The following CDH4 variants were observed in gnomAD, a reference collection of about 807,000 sequenced individuals.
CDH4 encodes the protein cadherin 4, also known as cadherin-4.
In CDH4, 33 loss-of-function variants were observed where a neutral mutation model predicts 86.0. The observed-to-expected ratio is 0.38, with a 90% CI of 0.29 to 0.51. The LOEUF (loss-of-function observed/expected upper bound fraction) is 0.51. CDH4 is among the 20% of genes least tolerant of loss of function. CDH4 has a pLI of 0.86. For synonymous variants in CDH4, 555 were observed against 549.4 expected (o/e 1.01, Z -0.14); for missense variants, 1,114 against 1,307.4 (o/e 0.85, Z 2.28).
In CDH4 at chr20:61,936,918, T is replaced by C. The variant is rs754528798; in HGVS notation, c.2726T>C (p.Met909Thr). Residue 909 changes from methionine to threonine, a missense_variant, in exon 16 of 16, where the codon ATG (methionine) becomes ACG (threonine). By Grantham distance (81) the Met-to-Thr change is moderately conservative. This residue lies in a region of CDH4 where 188 missense variants were observed against 183.8 expected (regional missense o/e 1.02). Coordinates refer to ENST00000614565, the MANE Select transcript of CDH4 (RefSeq NM_001794.5). ...CCCAGATTCAAGAAGCTGGCGGACA[T>C]GTATGGAGGTGGTGAAGAGGATTGA... ...WGPRFKKLAD[M>T]YGGGEED 2.5e-6 allele frequency: 4 copies of C among 1,589,804 alleles called. No homozygotes were observed. Among genetic ancestry groups the C allele is most frequent in the South Asian group, 2.3e-5 (2 of 87,806 alleles).
intron 7 of CDH4, among the ~76,000 whole-genome samples, chr20:61,877,183 C>T (rs563749216): frequency 6.6e-6 from 1 of 152,292 alleles, no homozygotes; most frequent in East Asian, 1.9e-4. Context: ...CCCTACAGAT[C>T]ATGGCAGCTC....
At chr20:61,312,819 A>AC (rs1298399897) in intron 2 of CDH4, among the ~76,000 whole-genome samples, 2 of 152,070 alleles carry the variant, frequency 1.3e-5, no homozygotes, top group African/African-American at 2.4e-5. Flanking sequence ...ACGGGACACC[A>AC]AAGTGCCTGC....
At chr20:61,603,696 C>T (rs1245736779) in intron 2 of CDH4, among the ~76,000 whole-genome samples, 1 of 152,190 alleles carries the variant, frequency 6.6e-6, no homozygotes, top group African/African-American at 2.4e-5. Context: ...AAGTGAGCAG[C>T]AAAGTGCCTG....
rs115446955 is a variant in CDH4 at position 61,646,473 on chromosome 20, C to T, written c.170-97090C>T. Among the ~76,000 whole-genome samples, 209 of 152,360 alleles carry T rather than the reference C, an allele frequency of 1.4e-3. 1 individual carries two copies. The highest frequency in any genetic ancestry group is 4.5e-3 in the African/African-American group (186 of 41,590). The stretch of plus-strand genomic sequence containing the variant: ...CATGGGTGTCAGACACACCTGGGCT[C>T]ACCCTGGCTCTGCCATCTTCTACCT... On this transcript the variant is annotated intron_variant, in intron 2 of 15. Coordinates refer to ENST00000614565, the MANE Select transcript of CDH4 (RefSeq NM_001794.5).
chr20:61,721,577 T>G (rs1452561763), intron 2 of CDH4, among the ~76,000 whole-genome samples: 1 of 152,232 alleles, frequency 6.6e-6, no homozygotes, highest in Admixed American at 6.5e-5. Flanking sequence ...AAAACAATTC[T>G]TTATCAAGAC....
intron 2 of CDH4, among the ~76,000 whole-genome samples, chr20:61,257,554 A>G (rs752109492): frequency 3.3e-5 from 5 of 152,198 alleles, no homozygotes; most frequent in Admixed American, 6.5e-5. Flanking sequence ...TCTGGAGAGC[A>G]TTTGAATGCA....
intron 2 of CDH4, chr20:61,739,049 A>C (rs567479312): frequency 1.3e-5 from 2 of 152,444 alleles, no homozygotes; most frequent in South Asian, 2.1e-4. Context: ...TCGAGGGAAA[A>C]GTTTTCTGGG....
chr20:61,471,157 T>C (rs2085499887), intron 2 of CDH4, among the ~76,000 whole-genome samples: 1 of 152,074 alleles, frequency 6.6e-6, no homozygotes, highest in Non-Finnish European at 1.5e-5. Flanking sequence ...GTGAAGCCAG[T>C]GGGTCCTGGG....
At chr20:61,812,746 G>A (rs1326019960) in intron 4 of CDH4, among the ~76,000 whole-genome samples, 1 of 152,170 alleles carries the variant, frequency 6.6e-6, no homozygotes, top group Non-Finnish European at 1.5e-5. Flanking sequence ...CATTTTCCAC[G>A]ATTTGCATTT....
Position 61,894,748 on chromosome 20 carries a change from A to G in CDH4, c.1051-162A>G, listed in dbSNP as rs112871709. Among the ~76,000 whole-genome samples the G allele has an allele frequency of 3.4e-3, 521 of 152,340 alleles. 5 individuals are homozygous for G. Among genetic ancestry groups the G allele is most frequent in the African/African-American group, 0.012 (487 of 41,582 alleles). On this transcript the variant is annotated intron_variant, in intron 7 of 15. Coordinates refer to ENST00000614565, the MANE Select transcript of CDH4 (RefSeq NM_001794.5). ...CTTACTCCGACAGGCAGTGTCAACC[A>G]GGAGGCTTGGAAAGGGCCCTGCGCC... is the stretch of plus-strand genomic sequence containing the variant.
At chr20:61,258,340 A>AAAAAAAAAAAAAAAAAG (rs1353887398) in intron 2 of CDH4, among the ~76,000 whole-genome samples, 1 of 121,860 alleles carries the variant, frequency 8.2e-6, no homozygotes, top group African/African-American at 3.1e-5. Flanking sequence ...AAAAAAAAAA[A>AAAAAAAAAAAAAAAAAG]AAAAAGAAAA....
intron 2 of CDH4, among the ~76,000 whole-genome samples, chr20:61,322,433 G>A (rs985808726): frequency 4.4e-4 from 67 of 152,294 alleles, no homozygotes; most frequent in African/African-American, 1.5e-3. Context: ...TATCTGAGCC[G>A]CCTCCCCTTT....
intron 2 of CDH4, among the ~76,000 whole-genome samples, chr20:61,389,644 G>A (rs2084970269): frequency 6.6e-6 from 1 of 152,178 alleles, no homozygotes; most frequent in Non-Finnish European, 1.5e-5. Context: ...TCTCAACTGG[G>A]CCAGGAACAC....
At chr20:61,839,613 GTT>G (rs1189757838) in intron 4 of CDH4, among the ~76,000 whole-genome samples, 1 of 146,400 alleles carries the variant, frequency 6.8e-6, no homozygotes, top group Non-Finnish European at 1.5e-5. Context: ...TATGTTGTGT[GTT>G]TGTGTACTGT....
At chr20:61,907,982 C>A (rs1013750300) in intron 8 of CDH4, among the ~76,000 whole-genome samples, 1 of 152,154 alleles carries the variant, frequency 6.6e-6, no homozygotes. Context: ...CTGATTGTAT[C>A]GGGATGTGAA....
intron 9 of CDH4, among the ~76,000 whole-genome samples, chr20:61,921,323 A>G (rs183599856): frequency 1.4e-3 from 217 of 152,350 alleles, no homozygotes; most frequent in Middle Eastern, 6.8e-3. Flanking sequence ...GCATGGAAGC[A>G]TGGTGTTGTG....
At chr20:61,413,011 A>G (rs2085127391) in intron 2 of CDH4, among the ~76,000 whole-genome samples, 1 of 152,088 alleles carries the variant, frequency 6.6e-6, no homozygotes, top group Non-Finnish European at 1.5e-5. Flanking sequence ...GAAATAGTCC[A>G]TCCCCCAAGC....
In CDH4 at chr20:61,518,496, CATCATCCATCCATCCGTCCATCT is replaced by C. The variant is rs1348311022; in HGVS notation, c.170-225052_170-225030del. The stretch of plus-strand genomic sequence containing the variant: ...TCCATCCATCCTTCCATCATTGATT[CATCATCCATCCATCCGTCCATCT>C]ATCATCCATCCATCTATCCATCATT... On this transcript the variant is annotated intron_variant, in intron 2 of 15. Coordinates refer to ENST00000614565, the MANE Select transcript of CDH4 (RefSeq NM_001794.5). The surrounding 1 kb of genome is among the most constrained non-coding windows in gnomAD (Gnocchi z 6.3). Among the ~76,000 whole-genome samples the C allele has an allele frequency of 6.6e-6, 1 of 151,994 alleles. No homozygotes were observed. The highest frequency in any genetic ancestry group is 1.5e-5 in the Non-Finnish European group (1 of 67,958).
chr20:61,568,536 T>C (rs559831644), intron 2 of CDH4, among the ~76,000 whole-genome samples: 9 of 152,342 alleles, frequency 5.9e-5, no homozygotes, highest in Admixed American at 5.2e-4. Context: ...GACTAGCGCA[T>C]ATAGCCAGAC....
Sources: allele counts gnomAD v4.1 joint callset (sites outside exome capture counted in the v4.1 genomes callset), GRCh38; gene constraint gnomAD v4.1.1; regional missense constraint gnomAD v4.1.1; non-coding constraint Gnocchi (gnomAD v3.1); transcripts MANE v1.5; gene names NCBI Gene and HGNC (gene_info 2026-07-23, HGNC 2026-07-21).